Variants in GPC5 observed in about 807,000 individuals in gnomAD.
GPC5 encodes the protein glypican-5.
In GPC5, 47 loss-of-function variants were observed where a neutral mutation model predicts 53.9. That is an observed-to-expected ratio of 0.87 (90% CI 0.69 to 1.11). GPC5 has a LOEUF of 1.11. GPC5 is among the 50% of genes most tolerant of loss of function. The pLI, the probability that GPC5 is intolerant of heterozygous loss-of-function variation, is 0.00. For missense variants in GPC5, 748 were observed against 713.1 expected, an observed-to-expected ratio of 1.05 and a Z score of -0.56; for synonymous variants, 286 against 263.3, an observed-to-expected ratio of 1.09 and a Z score of -0.84.
chr13:92,638,730 C>A (rs943834550), intron 7 of GPC5, among the ~76,000 whole-genome samples: 3 of 152,124 alleles, frequency 2.0e-5, no homozygotes, highest in Non-Finnish European at 4.4e-5. Context: ...TTATCAGGGG[C>A]CACCACTCTT....
chr13:91,863,437 A>G (rs970124356), intron 5 of GPC5, among the ~76,000 whole-genome samples: 5 of 152,114 alleles, frequency 3.3e-5, no homozygotes, highest in Non-Finnish European at 7.4e-5. Flanking sequence ...ATTCCTTACT[A>G]TACTTTTAGC....
At chr13:92,400,425 A>G (rs1875503250) in intron 7 of GPC5, among the ~76,000 whole-genome samples, 1 of 152,136 alleles carries the variant, frequency 6.6e-6, no homozygotes, top group African/African-American at 2.4e-5. Flanking sequence ...ATTGTATCTC[A>G]TTATTTATGC....
At chr13:91,456,965 A>G (rs1594113523) in intron 2 of GPC5, among the ~76,000 whole-genome samples, 1 of 152,002 alleles carries the variant, frequency 6.6e-6, no homozygotes, top group East Asian at 1.9e-4. Flanking sequence ...AGGCTGGTGG[A>G]AAGACAAAGA....
intron 4 of GPC5, among the ~76,000 whole-genome samples, chr13:91,744,613 A>G (rs1001601374): frequency 9.2e-5 from 14 of 152,184 alleles, no homozygotes; most frequent in African/African-American, 2.7e-4. Flanking sequence ...TGCAAAAGAT[A>G]AAAGAAGGAA....
At chr13:91,553,194 T>C (rs2030747959) in intron 2 of GPC5, among the ~76,000 whole-genome samples, 1 of 112,436 alleles carries the variant, frequency 8.9e-6, no homozygotes, top group African/African-American at 3.8e-5. Context: ...AGACAATATT[T>C]TTCCTGAAAT....
intron 6 of GPC5, among the ~76,000 whole-genome samples, chr13:92,009,826 T>A (rs1179714797): frequency 6.6e-6 from 1 of 152,168 alleles, no homozygotes; most frequent in Non-Finnish European, 1.5e-5. Flanking sequence ...TTTTTATTTA[T>A]CTTTTCTCAC....
chr13:92,196,887 T>C (rs1352257126), intron 7 of GPC5, among the ~76,000 whole-genome samples: 1 of 151,958 alleles, frequency 6.6e-6, no homozygotes, highest in East Asian at 1.9e-4. Context: ...CTTCAGAGAG[T>C]GTAAAATATT....
chr13:91,551,558 C>T (rs911448675), intron 2 of GPC5, among the ~76,000 whole-genome samples: 1 of 151,894 alleles, frequency 6.6e-6, no homozygotes. Context: ...ATAATTGAGT[C>T]GAAAATATGT....
At chr13:91,988,997 G>T (rs1566380749) in intron 6 of GPC5, among the ~76,000 whole-genome samples, 1 of 151,832 alleles carries the variant, frequency 6.6e-6, no homozygotes. Flanking sequence ...ATAATCAGTG[G>T]CTTTCTCATT....
At chr13:92,613,602 ATATT>A (rs1474894078) in intron 7 of GPC5, among the ~76,000 whole-genome samples, 8 of 123,380 alleles carry the variant, frequency 6.5e-5, no homozygotes, top group African/African-American at 1.2e-4. Context: ...TCATTTTATT[ATATT>A]TATTTTATTA....
intron 6 of GPC5, among the ~76,000 whole-genome samples, chr13:92,132,790 C>T (rs1365807918): frequency 1.3e-5 from 2 of 151,968 alleles, no homozygotes; most frequent in Non-Finnish European, 2.9e-5. Context: ...TGGGGAAAAA[C>T]ATATTTCAAC....
At chr13:92,628,086 A>T (rs1331483333) in intron 7 of GPC5, among the ~76,000 whole-genome samples, 2 of 152,044 alleles carry the variant, frequency 1.3e-5, no homozygotes, top group African/African-American at 2.4e-5. Context: ...CACACACCCA[A>T]CACTAAAAGT....
intron 6 of GPC5, among the ~76,000 whole-genome samples, chr13:91,978,616 AT>A (rs1481794840): frequency 2.0e-5 from 3 of 152,190 alleles, no homozygotes; most frequent in Non-Finnish European, 4.4e-5. Flanking sequence ...AAGACATCAG[AT>A]TTCCCTAAGT....
intron 5 of GPC5, among the ~76,000 whole-genome samples, chr13:91,761,221 A>G (rs924077318): frequency 6.6e-6 from 1 of 152,150 alleles, no homozygotes; most frequent in Non-Finnish European, 1.5e-5. Flanking sequence ...CTCAGTCTCC[A>G]GGAATTAACT....
intron 7 of GPC5, among the ~76,000 whole-genome samples, chr13:92,481,381 A>G (rs538778794): frequency 1.3e-5 from 2 of 152,168 alleles, no homozygotes; most frequent in South Asian, 2.1e-4. Context: ...GATTGCAGGC[A>G]TGACCCACCG....
At chr13:91,808,587 A>T (rs772598048) in intron 5 of GPC5, among the ~76,000 whole-genome samples, 11 of 152,180 alleles carry the variant, frequency 7.2e-5, no homozygotes, top group Non-Finnish European at 1.6e-4. Flanking sequence ...TACATCAACT[A>T]ACTCATGCTA....
At chr13:92,027,595 G>A (rs577000934) in intron 6 of GPC5, among the ~76,000 whole-genome samples, 1 of 152,018 alleles carries the variant, frequency 6.6e-6, no homozygotes, top group Non-Finnish European at 1.5e-5. Context: ...AAGTCTCTGG[G>A]GTAGGGATTA....
intron 6 of GPC5, among the ~76,000 whole-genome samples, chr13:91,970,610 G>A (rs985645783): frequency 1.3e-5 from 2 of 152,016 alleles, no homozygotes; most frequent in Admixed American, 6.6e-5. Context: ...AAAAAATGAG[G>A]AGTAATAAAA....
At chr13:92,447,843 C>A (rs1027226351) in intron 7 of GPC5, 3 of 152,124 alleles carry the variant, frequency 2.0e-5, no homozygotes, top group African/African-American at 7.2e-5. Flanking sequence ...AGTCATCTAA[C>A]TATGTATTCA....
Sources: allele counts gnomAD v4.1 joint callset (sites outside exome capture counted in the v4.1 genomes callset), GRCh38; gene constraint gnomAD v4.1.1; transcripts MANE v1.5; gene names NCBI Gene and HGNC (gene_info 2026-07-23, HGNC 2026-07-21).